Variants in ESR2 observed in about 807,000 individuals in gnomAD.
The protein encoded by ESR2 is estrogen receptor beta.
In ESR2, 36 loss-of-function variants were observed where a neutral mutation model predicts 49.6. The ratio of observed to expected loss-of-function variants is 0.73; its 90% CI spans 0.56 to 0.96. The LOEUF is 0.96. Ranked by LOEUF, ESR2 falls within the 40% of genes least tolerant of loss-of-function variation. The pLI is 0.00. For synonymous variants in ESR2, 320 were observed against 266.1 expected, an observed-to-expected ratio of 1.20 and a Z score of -1.97; for missense variants, 714 against 693.0, an observed-to-expected ratio of 1.03 and a Z score of -0.34.
chr14:64,315,623 C>T (rs1596487053), intron 1 of ESR2, among the ~76,000 whole-genome samples: 1 of 148,794 alleles, frequency 6.7e-6, no homozygotes. Flanking sequence ...TACAGGCACG[C>T]ACCACCACAC....
chr14:64,328,074 T>C (rs1325221651), intron 1 of ESR2, among the ~76,000 whole-genome samples: 1 of 144,908 alleles, frequency 6.9e-6, no homozygotes, highest in Non-Finnish European at 1.5e-5. Context: ...AAAAAAAAAT[T>C]AGCCAGGCAT....
intron 1 of ESR2, among the ~76,000 whole-genome samples, chr14:64,311,556 T>C (rs561393678): frequency 1.3e-4 from 19 of 151,460 alleles, no homozygotes; most frequent in Non-Finnish European, 2.4e-4. Flanking sequence ...GAGAGAATAA[T>C]TGCTTGAACC....
intron 3 of ESR2, among the ~76,000 whole-genome samples, chr14:64,270,753 A>G (rs1271573): frequency 0.65 from 99,563 of 152,094 alleles, 34,182 homozygotes; most frequent in African/African-American, 0.88. Flanking sequence ...CAGGTGATCC[A>G]CCCGCCTTGG....
intron 7 of ESR2, among the ~76,000 whole-genome samples, chr14:64,236,116 CTA>C (rs1336482918): frequency 6.6e-6 from 1 of 152,156 alleles, no homozygotes; most frequent in Non-Finnish European, 1.5e-5. Flanking sequence ...TTTTTGTTCT[CTA>C]TTTTTATTGG....
chr14:64,253,292 G>A (rs1242434590), intron 6 of ESR2, among the ~76,000 whole-genome samples: 1 of 151,950 alleles, frequency 6.6e-6, no homozygotes, highest in Non-Finnish European at 1.5e-5. Context: ...CTGGGTTCAA[G>A]CAATTCTCCT....
In ESR2 at chr14:64,306,533, G is replaced by C. The variant is rs560151818; in HGVS notation, c.-90-23458C>G. Among the ~76,000 whole-genome samples the C allele has an allele frequency of 1.3e-4, 20 of 152,266 alleles. 1 individual carries two copies. The South Asian group carries it at 3.9e-3, about 30-fold the overall frequency. On this transcript the variant is annotated intron_variant, in intron 1 of 8. Coordinates refer to the ESR2 transcript ENST00000358599. Reference sequence around the variant, plus strand: ...TAGATTTTGTCAAACACTTTTGGTGGATCTGTTGGGGTAATCATATGGTTT... The same window carrying C: ...TAGATTTTGTCAAACACTTTTGGTGCATCTGTTGGGGTAATCATATGGTTT...
intron 3 of ESR2, among the ~76,000 whole-genome samples, chr14:64,269,525 C>A (rs1206793974): frequency 6.6e-6 from 1 of 152,198 alleles, no homozygotes; most frequent in Non-Finnish European, 1.5e-5. Context: ...TGATGTTGGG[C>A]TTGACCACAG....
chr14:64,248,523 G>GA (rs1321199719), intron 7 of ESR2, among the ~76,000 whole-genome samples: 89 of 114,422 alleles, frequency 7.8e-4, no homozygotes, highest in African/African-American at 2.2e-3. Context: ...AAAAAAAAAA[G>GA]AAAAAAAAAA....
intron 1 of ESR2, among the ~76,000 whole-genome samples, chr14:64,309,064 A>G (rs1361710790): frequency 6.6e-6 from 1 of 152,206 alleles, no homozygotes; most frequent in Non-Finnish European, 1.5e-5. Context: ...GGATCAAATA[A>G]CATACCTAAA....
intron 1 of ESR2, among the ~76,000 whole-genome samples, chr14:64,333,337 T>G (rs2077486249): frequency 6.6e-6 from 1 of 152,192 alleles, no homozygotes; most frequent in African/African-American, 2.4e-5. Flanking sequence ...AATACTTGTT[T>G]TTCAGACTTA....
chr14:64,242,831 T>A (rs902120021), intron 7 of ESR2, among the ~76,000 whole-genome samples: 1 of 104,608 alleles, frequency 9.6e-6, no homozygotes, highest in African/African-American at 5.5e-5. Flanking sequence ...TACCCAAGAC[T>A]GGGCAATATA....
downstream of ESR2, chr14:64,227,491 T>TTAC: frequency 6.2e-7 from 1 of 1,604,904 alleles, no homozygotes; most frequent in Non-Finnish European, 8.5e-7. Flanking sequence ...AGTGAAAATG[T>TTAC]TACCCAAGAT....
intron 1 of ESR2, among the ~76,000 whole-genome samples, chr14:64,310,104 C>T (rs1015699680): frequency 1.3e-5 from 2 of 150,666 alleles, no homozygotes; most frequent in Admixed American, 1.3e-4. Flanking sequence ...GAAAGCTCGT[C>T]TCTACTAAAA....
intron 1 of ESR2, among the ~76,000 whole-genome samples, chr14:64,320,383 T>G: frequency 6.6e-6 from 1 of 151,020 alleles, no homozygotes; most frequent in East Asian, 2.0e-4. Flanking sequence ...CTGGGCAACA[T>G]AGCGAGACAT....
intron 6 of ESR2, among the ~76,000 whole-genome samples, chr14:64,251,815 C>T (rs911314854): frequency 6.6e-6 from 1 of 152,128 alleles, no homozygotes; most frequent in African/African-American, 2.4e-5. Flanking sequence ...AAACCAAATA[C>T]ATTTCAACAA....
At chr14:64,314,209 A>C (rs903850257) in intron 1 of ESR2, among the ~76,000 whole-genome samples, 1 of 152,124 alleles carries the variant, frequency 6.6e-6, no homozygotes, top group African/African-American at 2.4e-5. Flanking sequence ...CTAGAAACCA[A>C]TAACAGATAA....
At chr14:64,240,237 G>A (rs1464232779) in intron 7 of ESR2, among the ~76,000 whole-genome samples, 1 of 152,218 alleles carries the variant, frequency 6.6e-6, no homozygotes, top group Non-Finnish European at 1.5e-5. Context: ...GAAAACAGGA[G>A]ACCAAACTAT....
intron 6 of ESR2, among the ~76,000 whole-genome samples, chr14:64,251,427 ACACT>A (rs1484709576): frequency 7.4e-6 from 1 of 134,984 alleles, no homozygotes; most frequent in African/African-American, 2.6e-5. Flanking sequence ...ACACACACAC[ACACT>A]CACACACACC....
intron 6 of ESR2, 88 bp from the exon 7 acceptor site, chr14:64,249,767 G>C (rs570993195): frequency 7.5e-7 from 1 of 1,335,960 alleles, no homozygotes; most frequent in Admixed American, 2.1e-5. Flanking sequence ...TTAATCTCAA[G>C]TTTCATCTTG....
Sources: allele counts gnomAD v4.1 joint callset (sites outside exome capture counted in the v4.1 genomes callset), GRCh38; gene constraint gnomAD v4.1.1; transcripts MANE v1.5; gene names NCBI Gene and HGNC (gene_info 2026-07-23, HGNC 2026-07-21).